The following PTOV1 variants were observed in gnomAD, a reference collection of about 807,000 sequenced individuals.
The protein encoded by PTOV1 is prostate tumor-overexpressed gene 1 protein.
A neutral mutation model predicts 58.0 loss-of-function variants in PTOV1; 20 were observed. That is an observed-to-expected ratio of 0.34 (90% CI 0.24 to 0.50). PTOV1 has a LOEUF of 0.50. Among genes scored for constraint, PTOV1 ranks in the 20% least tolerant of loss-of-function variants. The pLI, the probability that PTOV1 is intolerant of heterozygous loss-of-function variation, is 0.98. For synonymous variants in PTOV1, 335 were observed against 234.2 expected (o/e 1.43, Z -3.93); for missense variants, 593 against 565.4 (o/e 1.05, Z -0.50).
chr19:49,851,151 C>T (rs1230802636), upstream of PTOV1: 1 of 1,303,194 alleles, frequency 7.7e-7, no homozygotes, highest in African/African-American at 1.6e-5. Context: ...GGCTCCCCCG[C>T]TCGCCTCAGT....
intron 5 of PTOV1, chr19:49,855,504 C>T (rs2074424269): frequency 4.4e-6 from 1 of 228,016 alleles, no homozygotes. Flanking sequence ...CCCCGAGTGG[C>T]CTGAGCTGGC....
At chr19:49,851,999 C>G (rs908328668) in intron 1 of PTOV1, 60 of 985,446 alleles carry the variant, frequency 6.1e-5, no homozygotes, top group Non-Finnish European at 7.0e-5. Flanking sequence ...CGCGCCCGCG[C>G]CCACATGTGG....
intron 1 of PTOV1, chr19:49,852,737 G>A (rs2074301861): frequency 6.6e-6 from 1 of 152,066 alleles, no homozygotes; most frequent in South Asian, 2.1e-4. Flanking sequence ...ATGTCGCTTG[G>A]GCTCTTAAGT....
In PTOV1 at chr19:49,854,666, C is replaced by G. The variant is rs1215787612; in HGVS notation, c.324C>G (p.Tyr108Ter). ...TGCCCCCACAGAAGCGCAGACCCTA[C>G]TCTGACTCCACTGCAAAGCTGAAGC... The change falls in exon 3 of 12, where the codon TAC (tyrosine) becomes TAG (stop). Residue 108 changes from tyrosine (Y) to a stop codon, truncating the protein, a stop_gained. Coordinates refer to ENST00000391842, the Ensembl canonical transcript of PTOV1. LOFTEE classifies it high-confidence loss of function. 1 of 1,613,526 alleles carries G rather than the reference C, an allele frequency of 6.2e-7. No individual in the cohort carries two copies. The highest frequency in any genetic ancestry group is 1.7e-5 in the Admixed American group (1 of 60,030).
chr19:49,858,820 A>G (rs1001975253), intron 10 of PTOV1, 167 bp downstream of exon 10: 4 of 613,286 alleles, frequency 6.5e-6, no homozygotes, highest in East Asian at 5.6e-5. Context: ...TGCTGTCCCC[A>G]CGGCACTGGA....
At position 49,856,694 on chromosome 19, in the gene PTOV1, G is replaced by A. The variant is rs571477283; in HGVS notation, c.559-281G>A. 6.1e-4 allele frequency: 259 copies of A among 425,188 alleles called. 1 individual carries two copies. The highest frequency in any genetic ancestry group is 4.7e-3 in the African/African-American group (235 of 49,644). 26.3% of individuals were successfully genotyped at this position (425,188 alleles called of 1,614,324 possible). A position where few individuals can be genotyped will look rare whatever the true frequency, so the allele number is the denominator to read the frequency against. On this transcript the variant is annotated intron_variant, in intron 5 of 11. Coordinates refer to ENST00000391842, the Ensembl canonical transcript of PTOV1. ...CCATCAGGCAGTCAGGAGGGCTGGC[G>A]GCAGGGGGTGATGTGGGTGGGAGGT...
chr19:49,854,577 G>GGTCTT, intron 2 of PTOV1, 34 bp downstream of exon 2: 2 of 1,612,570 alleles, frequency 1.2e-6, no homozygotes, highest in East Asian at 2.2e-5. Context: ...TGGCCTCCAG[G>GGTCTT]GTCTTGTCTT....
chr19:49,858,736 G>A (rs909554343), intron 10 of PTOV1, 83 bp downstream of exon 10: 3 of 1,168,248 alleles, frequency 2.6e-6, no homozygotes, highest in Non-Finnish European at 3.7e-6. Flanking sequence ...ACATGGGAGA[G>A]GAACAGAGCA....
exon 12 of PTOV1, chr19:49,860,584 C>T (rs570249534): frequency 5.6e-6 from 3 of 538,052 alleles, no homozygotes; most frequent in East Asian, 6.0e-5. Context: ...AGCCTGTGGC[C>T]AGCAGCCCCC....
exon 11 of PTOV1, chr19:49,860,043 C>T (rs1359784040): frequency 6.2e-7 from 1 of 1,614,232 alleles, no homozygotes; most frequent in East Asian, 2.2e-5. Flanking sequence ...GCTTATGCTC[C>T]TGTACTCTTC....
intron 5 of PTOV1, chr19:49,855,319 TG>T: frequency 1.8e-6 from 1 of 540,592 alleles, no homozygotes; most frequent in Non-Finnish European, 3.3e-6. Context: ...GAGGTGGCCC[TG>T]GGGGCGTGAG....
intron 10 of PTOV1, chr19:49,859,026 T>A: frequency 5.5e-6 from 1 of 182,490 alleles, no homozygotes; most frequent in Admixed American, 5.9e-5. Context: ...GGTCCCAGAA[T>A]ATTTGGCGAT....
intron 6 of PTOV1, chr19:49,857,439 C>T (rs1424133653): frequency 3.3e-6 from 2 of 606,792 alleles, no homozygotes; most frequent in African/African-American, 1.9e-5. Context: ...GTGTCCTGGT[C>T]ATGCCTTGCC....
At chr19:49,855,023 C>T (rs1230687613) in exon 5 of PTOV1, 1 of 1,602,132 alleles carries the variant, frequency 6.2e-7, no homozygotes, top group Non-Finnish European at 8.5e-7. Flanking sequence ...TCCACTTCAC[C>T]AACAGAGACT....
intron 9 of PTOV1, 148 bp from the exon 10 acceptor site, chr19:49,858,401 C>A: frequency 1.4e-6 from 1 of 717,054 alleles, no homozygotes; most frequent in Non-Finnish European, 2.3e-6. Flanking sequence ...CAGGGTTGGG[C>A]TGGTTGAGCG....
Position 49,854,560 on chromosome 19 carries a change from C to T in PTOV1, c.309+17C>T. 6.2e-7 allele frequency: 1 copy of T among 1,612,500 alleles called. No homozygotes were observed. ...TGGCAGGAGGTGAGTCTCTGTGGGGCTGCGGCTGGCCTCCAGGGTCTTGTC... is the reference window on the plus strand; with the variant it reads ...TGGCAGGAGGTGAGTCTCTGTGGGGTTGCGGCTGGCCTCCAGGGTCTTGTC... On this transcript the variant is annotated intron_variant, in intron 2 of 11. Transcript: ENST00000391842.
chr19:49,857,490 G>A (rs2074526624), intron 6 of PTOV1: 1 of 632,070 alleles, frequency 1.6e-6, no homozygotes, highest in Admixed American at 2.8e-5. Context: ...CCAGGTGAGG[G>A]CCGGGACCTG....
intron 10 of PTOV1, 87 bp downstream of exon 10, chr19:49,858,740 C>A: frequency 1.8e-6 from 2 of 1,136,652 alleles, no homozygotes; most frequent in Non-Finnish European, 1.3e-6. Context: ...GGGAGAGGAA[C>A]AGAGCACCAT....
At chr19:49,852,086 G>T in intron 1 of PTOV1, 1 of 984,934 alleles carries the variant, frequency 1.0e-6, no homozygotes, top group Non-Finnish European at 1.2e-6. Flanking sequence ...GGCTGCACAC[G>T]CTTCTCCGGA....
Sources: gnomAD v4.1 joint callset for allele counts on GRCh38, gnomAD v4.1.1 for gene constraint, MANE v1.5 for transcripts, NCBI Gene and HGNC (gene_info 2026-07-23, HGNC 2026-07-21) for gene names.